PATL1: variants seen among roughly 807,000 people sequenced by gnomAD.
PATL1 encodes PAT1 homolog 1, processing body mRNA decay factor.
In PATL1, 32 loss-of-function variants were observed where a neutral mutation model predicts 100.6. The observed-to-expected ratio is 0.32, with a 90% CI of 0.24 to 0.43. PATL1 has a LOEUF of 0.43. Ranked by LOEUF, PATL1 falls within the 20% of genes least tolerant of loss-of-function variation. The pLI, the probability that PATL1 is intolerant of heterozygous loss-of-function variation, is 1.00. For missense variants in PATL1, 747 were observed against 949.9 expected (o/e 0.79, Z 2.81); for synonymous variants, 332 against 330.0 (o/e 1.01, Z -0.07).
Position 59,668,905 on chromosome 11 carries a change from G to A in PATL1, c.-10C>T, listed in dbSNP as rs1417886194. ...CCTCGTAGCGGAACATTCTTGGGGA[G>A]GGGGGCAGGGAGCGGGGAGGGGAGA... On this transcript the variant is annotated 5_prime_UTR_variant, in exon 1 of 19. Coordinates refer to ENST00000300146, the MANE Select transcript of PATL1 (RefSeq NM_152716.3). The A allele has an allele frequency of 4.9e-6, 4 of 819,944 alleles. No homozygotes were observed. The highest frequency in any genetic ancestry group is 2.5e-5 in the South Asian group (1 of 40,628). The allele number at this position is 819,944 out of a possible 1,614,324, so 50.8% of individuals were successfully genotyped here. A position where few individuals can be genotyped will look rare whatever the true frequency, so the allele number is the denominator to read the frequency against.
chr11:59,657,097 C>T lies in PATL1; in HGVS notation c.621+433G>A, dbSNP rs1861546998. On this transcript the variant is annotated intron_variant, in intron 5 of 18. Transcript: ENST00000300146. Reference sequence around the variant, plus strand: ...CCCCATACCTTCCAAATTGGCCTTCCTTTTCAGCTGCTGGTTTCAGGTGGA... The same window carrying T: ...CCCCATACCTTCCAAATTGGCCTTCTTTTTCAGCTGCTGGTTTCAGGTGGA... 3 of 985,232 alleles carry T rather than the reference C, an allele frequency of 3.0e-6. No individual in the cohort carries two copies. The African/African-American group carries it at 5.2e-5, about 17-fold the overall frequency. The allele number at this position is 985,232 out of a possible 1,614,324, so 61.0% of individuals were successfully genotyped here.
intron 14 of PATL1, among the ~76,000 whole-genome samples, chr11:59,649,144 C>A (rs1342848212): frequency 6.6e-6 from 1 of 152,176 alleles, no homozygotes; most frequent in African/African-American, 2.4e-5. Flanking sequence ...TGCTAGTAAT[C>A]ATAAATCAGG....
chr11:59,639,039 C>T lies in PATL1; in HGVS notation c.2291+9G>A, dbSNP rs746695358. 6.2e-7 allele frequency: 1 copy of T among 1,612,198 alleles called. No individual in the cohort carries two copies. The highest frequency in any genetic ancestry group is 8.5e-7 in the Non-Finnish European group (1 of 1,179,120). ...AGTGAGATGTGAAACTCTCCTGTTT[C>T]AAACTTACTGCAGTTTTGTCTCCAG... is the stretch of plus-strand genomic sequence containing the variant. On this transcript the variant is annotated intron_variant, in intron 18 of 18. Coordinates refer to ENST00000300146, the MANE Select transcript of PATL1 (RefSeq NM_152716.3).
chr11:59,662,020 C>A (rs1431139369), intron 2 of PATL1, among the ~76,000 whole-genome samples: 2 of 152,042 alleles, frequency 1.3e-5, no homozygotes, highest in Non-Finnish European at 2.9e-5. Context: ...AACTAATTTC[C>A]TTTTAGAATC....
At chr11:59,651,398 G>T in intron 12 of PATL1, 146 bp downstream of exon 12, 1 of 633,246 alleles carries the variant, frequency 1.6e-6, no homozygotes, top group Admixed American at 2.8e-5. Flanking sequence ...CAGCACATCT[G>T]TGGAAAACTA....
chr11:59,657,872 A>G (rs760877914), intron 4 of PATL1, 148 bp from the exon 5 acceptor site: 10 of 689,598 alleles, frequency 1.5e-5, no homozygotes, highest in Non-Finnish European at 2.2e-5. Context: ...TTTTTGGTAT[A>G]TGGTTCTCTG....
chr11:59,651,313 A>G (rs1194075261), intron 12 of PATL1, among the ~76,000 whole-genome samples: 1 of 152,210 alleles, frequency 6.6e-6, no homozygotes, highest in Non-Finnish European at 1.5e-5. Flanking sequence ...GTTTGCAGCC[A>G]GAGCTACCCA....
chr11:59,641,799 C>T (rs369798067), intron 16 of PATL1, among the ~76,000 whole-genome samples: 9 of 152,176 alleles, frequency 5.9e-5, no homozygotes, highest in African/African-American at 2.2e-4. Flanking sequence ...AAAAATACTA[C>T]TGCCTTTACT....
At chr11:59,659,658 G>C (rs549580635) in intron 2 of PATL1, among the ~76,000 whole-genome samples, 189 bp from the exon 3 acceptor site, 1 of 152,052 alleles carries the variant, frequency 6.6e-6, no homozygotes, top group African/African-American at 2.4e-5. Context: ...AGCCTCCCAA[G>C]TAGCTGGAGT....
At chr11:59,667,140 T>C in intron 1 of PATL1, 176 bp from the exon 2 acceptor site, 1 of 922,776 alleles carries the variant, frequency 1.1e-6, no homozygotes, top group Non-Finnish European at 1.3e-6. Context: ...GATTTCATCA[T>C]CTTTCTTTCA....
rs142954088 is a variant in PATL1, at chr11:59,644,612, T to C, written c.1894-1577A>G. 4.8e-3 allele frequency among the ~76,000 whole-genome samples: 736 copies of C among 152,308 alleles called. 7 individuals carry two copies. The highest frequency in any genetic ancestry group is 0.017 in the African/African-American group (714 of 41,576). Reference sequence around the variant, plus strand: ...AGTTTGAATTTGGCAAACTGCATGTTGGCAGTGTCACTTAGCAGGTTCTGC... The same window carrying C: ...AGTTTGAATTTGGCAAACTGCATGTCGGCAGTGTCACTTAGCAGGTTCTGC... On this transcript the variant is annotated intron_variant, in intron 15 of 18. Transcript: ENST00000300146.
intron 4 of PATL1, 71 bp from the exon 5 acceptor site, chr11:59,657,795 C>T: frequency 2.6e-6 from 3 of 1,149,518 alleles, no homozygotes; most frequent in Middle Eastern, 2.7e-4. Flanking sequence ...TCTACAGATG[C>T]CAAAAATACC....
intron 16 of PATL1, among the ~76,000 whole-genome samples, chr11:59,641,938 G>A (rs1178744532): frequency 6.6e-6 from 1 of 152,068 alleles, no homozygotes; most frequent in African/African-American, 2.4e-5. Flanking sequence ...AGGTTTTCTG[G>A]TGCAAAGGAG....
chr11:59,653,793 C>G (rs763543518), intron 9 of PATL1, among the ~76,000 whole-genome samples, 190 bp downstream of exon 9: 76 of 152,198 alleles, frequency 5.0e-4, no homozygotes, highest in Middle Eastern at 6.8e-3. Context: ...ATAAATGGTA[C>G]ATATAATTCT....
chr11:59,639,592 C>G, intron 16 of PATL1: 1 of 495,958 alleles, frequency 2.0e-6, no homozygotes, highest in East Asian at 3.4e-5. Flanking sequence ...TAGCAGTGAC[C>G]AGGCGCAGCC....
Position 59,656,049 on chromosome 11 carries a change from A to T in PATL1, c.724-4T>A. The T allele has an allele frequency of 8.0e-7, 1 of 1,247,398 alleles. No homozygotes were observed. Among genetic ancestry groups the T allele is most frequent in the Non-Finnish European group, 1.1e-6 (1 of 939,128 alleles). 77.3% of individuals were successfully genotyped at this position (1,247,398 alleles called of 1,614,324 possible). ...GGTGACCCAGGAGGGAAGAGTTCTA[A>T]GGTAAAAAAAAAAAAAAAAAAAAGA... On this transcript the variant is annotated splice_region_variant and splice_polypyrimidine_tract_variant and intron_variant, in intron 6 of 18. Transcript: ENST00000300146.
At chr11:59,650,703 T>A (rs1861430779) in intron 13 of PATL1, 51 bp downstream of exon 13, 1 of 1,320,854 alleles carries the variant, frequency 7.6e-7, no homozygotes, top group Non-Finnish European at 1.1e-6. Context: ...TATACATACA[T>A]TTGACAGTTC....
chr11:59,664,974 A>G (rs1221390400), intron 2 of PATL1, among the ~76,000 whole-genome samples: 1 of 152,138 alleles, frequency 6.6e-6, no homozygotes, highest in Non-Finnish European at 1.5e-5. Flanking sequence ...TTTGCCTGTG[A>G]TCTCCATGGA....
intron 2 of PATL1, among the ~76,000 whole-genome samples, chr11:59,665,709 TG>T (rs1861677016): frequency 6.6e-6 from 1 of 152,240 alleles, no homozygotes; most frequent in Non-Finnish European, 1.5e-5. Context: ...CTGCTTGAAC[TG>T]GGGAGGCAGA....
Sources: gnomAD v4.1 joint callset for allele counts (sites outside exome capture counted in the v4.1 genomes callset) on GRCh38, gnomAD v4.1.1 for gene constraint, MANE v1.5 for transcripts, NCBI Gene and HGNC (gene_info 2026-07-23, HGNC 2026-07-21) for gene names.